The following TTLL5 variants were observed in gnomAD, a reference collection of about 807,000 sequenced individuals.
The protein encoded by TTLL5 is tubulin polyglutamylase TTLL5.
A neutral mutation model predicts 168.4 loss-of-function variants in TTLL5; 132 were observed. The ratio of observed to expected loss-of-function variants is 0.78; its 90% CI spans 0.68 to 0.91. TTLL5 has a LOEUF of 0.91. TTLL5 is among the 40% of genes least tolerant of loss of function. The pLI, the probability that TTLL5 is intolerant of heterozygous loss-of-function variation, is 0.00. For synonymous variants in TTLL5, 546 were observed against 558.6 expected, an observed-to-expected ratio of 0.98 and a Z score of 0.32; for missense variants, 1,545 against 1,581.5, an observed-to-expected ratio of 0.98 and a Z score of 0.39.
intron 30 of TTLL5, among the ~76,000 whole-genome samples, chr14:75,895,641 G>A (rs2032621003): frequency 6.6e-6 from 1 of 151,898 alleles, no homozygotes; most frequent in South Asian, 2.1e-4. Context: ...GGCTCTAAAA[G>A]TACTACACAT....
intron 28 of TTLL5, among the ~76,000 whole-genome samples, chr14:75,829,284 A>G (rs1277318602): frequency 6.6e-6 from 1 of 152,202 alleles, no homozygotes; most frequent in Admixed American, 6.5e-5. Context: ...CTATGTGAGA[A>G]TCTGAGAGGA....
Position 75,902,236 on chromosome 14 carries a change from C to T in TTLL5, c.3823+12C>T. ...CACCAGCTCTACAGGTTAGTGGGCA[C>T]CAGCTCTTCTGCAACTGGATAGATG... On this transcript the variant is annotated intron_variant, in intron 31 of 31. Transcript: ENST00000298832. The T allele has an allele frequency of 1.2e-6, 2 of 1,613,914 alleles. No homozygotes were observed. Among genetic ancestry groups the T allele is most frequent in the Non-Finnish European group, 1.7e-6 (2 of 1,179,884 alleles).
Position 75,690,254 on chromosome 14 carries a change from A to C in TTLL5, c.434A>C (p.His145Pro), listed in dbSNP as rs776212314. 6.2e-7 allele frequency: 1 copy of C among 1,612,608 alleles called. No individual in the cohort carries two copies. Among genetic ancestry groups the C allele is most frequent in the Non-Finnish European group, 8.5e-7 (1 of 1,179,352 alleles). Residue 145 changes from histidine (H) to proline (P), a missense_variant, in exon 6 of 32, where the codon CAT becomes CCT. By Grantham distance (77) the His-to-Pro change is moderately conservative. Transcript: ENST00000298832. Reference sequence around the variant, plus strand: ...AACATTATTCGAATGCAGCATACACATGGATTCAAGGCTTTTCACATCCTC... The same window carrying C: ...AACATTATTCGAATGCAGCATACACCTGGATTCAAGGCTTTTCACATCCTC... ...YKNIIRMQHT[H>P]GFKAFHILPQ...
chr14:75,882,963 T>C, intron 30 of TTLL5, 61 bp downstream of exon 30: 1 of 1,542,012 alleles, frequency 6.5e-7, no homozygotes, highest in Non-Finnish European at 8.9e-7. Flanking sequence ...ATAGTACTCT[T>C]TATTTATTAC....
rs758078199 is a variant in TTLL5 at position 75,783,533 on chromosome 14, G to A, written c.2986+3G>A. 6.2e-7 allele frequency: 1 copy of A among 1,611,750 alleles called. No individual in the cohort carries two copies. The highest frequency in any genetic ancestry group is 1.7e-5 in the Admixed American group (1 of 59,968). ...TCGTCCCTCTTCAGCAAAGGCAGGTGAGTGAGAGAACGAAAGACAGTCCAC... is the reference window on the plus strand; with the variant it reads ...TCGTCCCTCTTCAGCAAAGGCAGGTAAGTGAGAGAACGAAAGACAGTCCAC... On this transcript the variant is annotated splice_donor_region_variant and intron_variant, in intron 26 of 31. Coordinates refer to ENST00000298832, the MANE Select transcript of TTLL5 (RefSeq NM_015072.5).
At chr14:75,699,162 T>A in intron 6 of TTLL5, 26 bp from the exon 7 acceptor site, 1 of 1,594,686 alleles carries the variant, frequency 6.3e-7, no homozygotes, top group Non-Finnish European at 8.6e-7. Flanking sequence ...TTTCCTCTGT[T>A]TTTTATCTCC....
chr14:75,796,128 C>T (rs1193462416), intron 27 of TTLL5, among the ~76,000 whole-genome samples: 3 of 152,186 alleles, frequency 2.0e-5, no homozygotes, highest in Admixed American at 6.5e-5. Context: ...GCCATTCTTG[C>T]AGGAGTAAGG....
intron 14 of TTLL5, among the ~76,000 whole-genome samples, 161 bp from the exon 15 acceptor site, chr14:75,735,034 G>A (rs1888793839): frequency 6.6e-6 from 1 of 152,210 alleles, no homozygotes; most frequent in South Asian, 2.1e-4. Context: ...TCAGAGTTCA[G>A]AGGGTGTGTG....
At position 75,817,830 on chromosome 14, in the gene TTLL5, C is replaced by CTTTTTTTT. The variant is rs1045988787; in HGVS notation, c.3172-2159_3172-2152dup. Reference sequence around the variant, plus strand: ...ACCATTCTTTCTTTTCTTTTCTTTTCTTTTTTTTTTTTTTTTTTTTTTTTT... The same window carrying CTTTTTTTT: ...ACCATTCTTTCTTTTCTTTTCTTTTCTTTTTTTTTTTTTTTTTTTTTTTTTTTTTTTTT... On this transcript the variant is annotated intron_variant, in intron 27 of 31. Transcript: ENST00000298832. Among the ~76,000 whole-genome samples, 250 of 83,892 alleles carry CTTTTTTTT rather than the reference C, an allele frequency of 3.0e-3. 3 individuals are homozygous for CTTTTTTTT. The highest frequency in any genetic ancestry group is 7.4e-3 in the African/African-American group (144 of 19,484). 55.0% of individuals were successfully genotyped at this position (83,892 alleles called of 152,430 possible). A position where few individuals can be genotyped will look rare whatever the true frequency, so the allele number is the denominator to read the frequency against.
chr14:75,733,269 G>A (rs1190200167), intron 13 of TTLL5, among the ~76,000 whole-genome samples: 1 of 152,146 alleles, frequency 6.6e-6, no homozygotes, highest in Non-Finnish European at 1.5e-5. Context: ...TACTTTAAAA[G>A]TGAGAAATCC....
At chr14:75,782,389 T>G (rs1892111708) in intron 24 of TTLL5, 98 bp from the exon 25 acceptor site, 2 of 924,994 alleles carry the variant, frequency 2.2e-6, no homozygotes, top group Non-Finnish European at 3.3e-6. Flanking sequence ...CAGCATTGAT[T>G]AGCAGTTGTG....
At chr14:75,776,577 C>A (rs1015522455) in intron 22 of TTLL5, 170 bp from the exon 23 acceptor site, 4 of 474,150 alleles carry the variant, frequency 8.4e-6, no homozygotes, top group Non-Finnish European at 1.5e-5. Flanking sequence ...AAAATCATGG[C>A]CAAAAGTAAT....
At position 75,840,837 on chromosome 14, in the gene TTLL5, A is replaced by G. The variant is rs115907701; in HGVS notation, c.3326+20676A>G. On this transcript the variant is annotated intron_variant, in intron 28 of 31. Transcript: ENST00000298832. ...TGTGTTAATTCATTCTTGCATTGCT[A>G]TAAAGAAATACCTGAGGCTGGGTAA... 6.8e-3 allele frequency among the ~76,000 whole-genome samples: 1,029 copies of G among 152,260 alleles called. 17 individuals are homozygous for G. The highest frequency in any genetic ancestry group is 0.024 in the African/African-American group (980 of 41,540).
At chr14:75,798,063 C>T (rs111815773) in intron 27 of TTLL5, among the ~76,000 whole-genome samples, 119 of 152,200 alleles carry the variant, frequency 7.8e-4, no homozygotes, top group African/African-American at 2.7e-3. Flanking sequence ...AGCTGTGAAT[C>T]CATCTGGTCC....
intron 27 of TTLL5, among the ~76,000 whole-genome samples, chr14:75,816,599 A>G (rs1254181009): frequency 2.0e-5 from 3 of 152,194 alleles, no homozygotes; most frequent in African/African-American, 7.2e-5. Context: ...TATACTAAAC[A>G]TGGTAAAGTG....
At chr14:75,802,257 G>A (rs1893366198) in intron 27 of TTLL5, among the ~76,000 whole-genome samples, 1 of 151,526 alleles carries the variant, frequency 6.6e-6, no homozygotes, top group Non-Finnish European at 1.5e-5. Context: ...CCCACCTTGA[G>A]TTAAATGCTT....
chr14:75,785,675 T>C (rs1357781975), intron 26 of TTLL5, among the ~76,000 whole-genome samples: 1 of 152,234 alleles, frequency 6.6e-6, no homozygotes, highest in Non-Finnish European at 1.5e-5. Flanking sequence ...AATCAATTAA[T>C]TATAAATGTA....
intron 29 of TTLL5, among the ~76,000 whole-genome samples, chr14:75,865,825 T>C (rs1285254378): frequency 6.6e-6 from 1 of 152,204 alleles, no homozygotes; most frequent in Non-Finnish European, 1.5e-5. Context: ...AAATTATGTT[T>C]TTTAGAATCT....
At position 75,936,670 on chromosome 14, in the gene TTLL5, G is replaced by A. The variant is rs1056824794; in HGVS notation, c.3824-17754G>A. On this transcript the variant is annotated intron_variant, in intron 31 of 31. Transcript: ENST00000298832. ...GAAGGACTGGGATCGGCTTGGCCTGGGTAATAAGACCACCTCTTGAAGTAA... is the reference window on the plus strand; with the variant it reads ...GAAGGACTGGGATCGGCTTGGCCTGAGTAATAAGACCACCTCTTGAAGTAA... Among the ~76,000 whole-genome samples, 5 of 152,280 alleles carry A rather than the reference G, an allele frequency of 3.3e-5. No homozygotes were observed. In the East Asian group the frequency reaches 9.6e-4, roughly 29 times the overall value.
Sources: allele counts gnomAD v4.1 joint callset (sites outside exome capture counted in the v4.1 genomes callset), GRCh38; gene constraint gnomAD v4.1.1; transcripts MANE v1.5; gene names NCBI Gene and HGNC (gene_info 2026-07-23, HGNC 2026-07-21).